SETBP1: variants seen among roughly 807,000 people sequenced by gnomAD.
SETBP1 encodes the protein SET binding protein 1, also known as SET-binding protein.
A neutral mutation model predicts 101.0 loss-of-function variants in SETBP1; 9 were observed. That is an observed-to-expected ratio of 0.09 (90% CI 0.05 to 0.16). The LOEUF (loss-of-function observed/expected upper bound fraction) is 0.16. Ranked by LOEUF, SETBP1 falls within the 10% of genes least tolerant of loss-of-function variation. SETBP1 has a pLI of 1.00. For synonymous variants in SETBP1, 818 were observed against 788.5 expected (o/e 1.04, Z -0.63); for missense variants, 1,858 against 2,033.8 (o/e 0.91, Z 1.66).
At chr18:45,050,898 A>G (rs996917199) in intron 5 of SETBP1, among the ~76,000 whole-genome samples, 7 of 152,202 alleles carry the variant, frequency 4.6e-5, no homozygotes, top group Non-Finnish European at 1.0e-4. Flanking sequence ...ATGCCTGAAG[A>G]TATTTTGAGA....
At chr18:44,833,259 T>A (rs1204171681) in intron 2 of SETBP1, among the ~76,000 whole-genome samples, 1 of 152,228 alleles carries the variant, frequency 6.6e-6, no homozygotes, top group Admixed American at 6.5e-5. Context: ...TGTTCAAGTT[T>A]ACTTTTAGAA....
At chr18:44,976,312 CT>C (rs1472228901) in intron 4 of SETBP1, among the ~76,000 whole-genome samples, 22 of 152,296 alleles carry the variant, frequency 1.4e-4, no homozygotes, top group South Asian at 1.0e-3. Flanking sequence ...AAGGCCAAAG[CT>C]TGGCTCGCAT....
At chr18:44,832,721 G>A (rs1486149136) in intron 2 of SETBP1, among the ~76,000 whole-genome samples, 1 of 152,178 alleles carries the variant, frequency 6.6e-6, no homozygotes, top group African/African-American at 2.4e-5. Context: ...ACAGGGGCCT[G>A]GCTGGGCAGC....
chr18:44,719,429 G>T (rs998995191), intron 2 of SETBP1, among the ~76,000 whole-genome samples: 4 of 152,198 alleles, frequency 2.6e-5, no homozygotes, highest in Admixed American at 2.0e-4. Flanking sequence ...GACTGCCTTT[G>T]AAAGTCTCCA....
intron 5 of SETBP1, among the ~76,000 whole-genome samples, chr18:45,039,075 C>A (rs1568044720): frequency 2.0e-5 from 3 of 152,174 alleles, no homozygotes; most frequent in Admixed American, 6.5e-5. Flanking sequence ...GCCCCAAGAA[C>A]CTGTGGACAG....
intron 5 of SETBP1, among the ~76,000 whole-genome samples, chr18:45,043,013 G>T (rs1396587295): frequency 1.8e-4 from 28 of 152,180 alleles, no homozygotes; most frequent in Admixed American, 1.8e-3. Flanking sequence ...ACTAAAGTTT[G>T]CTCAAAGTGA....
At chr18:44,773,242 G>A (rs2070914225) in intron 2 of SETBP1, among the ~76,000 whole-genome samples, 1 of 152,174 alleles carries the variant, frequency 6.6e-6, no homozygotes, top group South Asian at 2.1e-4. Flanking sequence ...ATCTATTAGT[G>A]GGCATGCACA....
Position 45,065,314 on chromosome 18 carries a change from C to G in SETBP1, c.*1616C>G, listed in dbSNP as rs2073952511. ...CCTCCCTCACTCCCTCTTACCTTCC[C>G]CAAGACATCAAACACCTGGCATGGT... On this transcript the variant is annotated 3_prime_UTR_variant, in exon 6 of 6. Transcript: ENST00000649279. 1 of 152,128 alleles carries G rather than the reference C, an allele frequency of 6.6e-6. No homozygotes were observed. The highest frequency in any genetic ancestry group is 2.4e-5 in the African/African-American group (1 of 41,402). The allele number at this position is 152,128 out of a possible 1,614,324, so 9.4% of individuals were successfully genotyped here. A position where few individuals can be genotyped will look rare whatever the true frequency, so the allele number is the denominator to read the frequency against.
chr18:45,054,476 G>A (rs531328838), intron 5 of SETBP1, among the ~76,000 whole-genome samples: 4 of 152,240 alleles, frequency 2.6e-5, no homozygotes, highest in African/African-American at 4.8e-5. Flanking sequence ...GTGAGCCACC[G>A]TGCCCAGCTG....
chr18:45,019,304 G>T (rs1173586993), intron 4 of SETBP1, among the ~76,000 whole-genome samples: 2 of 152,160 alleles, frequency 1.3e-5, no homozygotes, highest in Non-Finnish European at 2.9e-5. Context: ...ATAATTTCCA[G>T]GTTTGGGGAA....
At chr18:44,773,968 T>C (rs2070938261) in intron 2 of SETBP1, among the ~76,000 whole-genome samples, 1 of 151,938 alleles carries the variant, frequency 6.6e-6, no homozygotes, top group Non-Finnish European at 1.5e-5. Flanking sequence ...ACTTCTAGTT[T>C]CCTACCACAA....
intron 4 of SETBP1, among the ~76,000 whole-genome samples, chr18:44,994,188 TA>T (rs34296983): frequency 8.6e-5 from 13 of 151,532 alleles, no homozygotes; most frequent in Middle Eastern, 3.4e-3. Flanking sequence ...AAAACCTGGG[TA>T]AAAAAAATGA....
chr18:44,702,572 T>C (rs2069135181), intron 2 of SETBP1, among the ~76,000 whole-genome samples: 1 of 152,216 alleles, frequency 6.6e-6, no homozygotes, highest in African/African-American at 2.4e-5. Context: ...AACTTTTTAG[T>C]ATTTTTTTCT....
chr18:44,763,205 G>A (rs2070696283), intron 2 of SETBP1, among the ~76,000 whole-genome samples: 1 of 152,198 alleles, frequency 6.6e-6, no homozygotes, highest in South Asian at 2.1e-4. Flanking sequence ...GGAACAATGA[G>A]TAACTACAGA....
At chr18:44,973,103 T>C (rs1461307900) in intron 4 of SETBP1, among the ~76,000 whole-genome samples, 4 of 152,238 alleles carry the variant, frequency 2.6e-5, no homozygotes, top group African/African-American at 9.6e-5. Context: ...TTGAATTTTG[T>C]CAAAGGCCTT....
chr18:44,905,728 G>A (rs1324829621), intron 3 of SETBP1, among the ~76,000 whole-genome samples: 2 of 152,178 alleles, frequency 1.3e-5, no homozygotes, highest in African/African-American at 4.8e-5. Context: ...CCTCATTACA[G>A]GGCAAACTTT....
rs1193534370 is a variant in SETBP1, at chr18:44,952,552, C to T, written c.3212C>T (p.Ala1071Val). 4.3e-6 allele frequency: 7 copies of T among 1,614,022 alleles called. No homozygotes were observed. Among genetic ancestry groups the T allele is most frequent in the Non-Finnish European group, 5.9e-6 (7 of 1,180,036 alleles). The change falls in exon 4 of 6, where the codon GCT becomes GTT. Residue 1071 changes from alanine to valine, a missense_variant. Physicochemically the swap from Ala to Val is moderately conservative, Grantham distance 64 (BLOSUM62 0). This residue lies in a region of SETBP1 where 255 missense variants were observed against 300.1 expected (regional missense o/e 0.85). Coordinates refer to ENST00000649279, the MANE Select transcript of SETBP1 (RefSeq NM_015559.3). The stretch of plus-strand genomic sequence containing the variant: ...CTTGGTTATTACGGTCAGTACCCAG[C>T]TCCTTTGTACCTATCGCACACGCTT... ...MNLGYYGQYP[A>V]PLYLSHTLGA... is the part of the protein sequence containing the mutation.
At position 44,701,556 on chromosome 18, in the gene SETBP1, T is replaced by G. The variant is rs142975703; in HGVS notation, c.210T>G (p.Asp70Glu). ...AACTAGGCTCAGGGCGGGATGTGGA[T>G]TCCAACTCCAACGCGGACAGTGAGA... is the stretch of plus-strand genomic sequence containing the variant. ...EDELGSGRDV[D>E]SNSNADSEKW... Residue 70 changes from aspartate to glutamate, a missense_variant, in exon 2 of 6, where the codon GAT (aspartate) becomes GAG (glutamate). Transcript: ENST00000649279. 2 of 1,613,938 alleles carry G rather than the reference T, an allele frequency of 1.2e-6. No homozygotes were observed. Among genetic ancestry groups the G allele is most frequent in the Non-Finnish European group, 1.7e-6 (2 of 1,180,006 alleles).
intron 3 of SETBP1, among the ~76,000 whole-genome samples, chr18:44,885,171 A>C (rs1313379761): frequency 2.0e-5 from 3 of 152,164 alleles, no homozygotes; most frequent in Admixed American, 1.3e-4. Flanking sequence ...GACTCTAAGA[A>C]ATTCCCTTTG....
Sources: gnomAD v4.1 joint callset for allele counts (sites outside exome capture counted in the v4.1 genomes callset) on GRCh38, gnomAD v4.1.1 for gene constraint, gnomAD v4.1.1 regional missense constraint, MANE v1.5 for transcripts, NCBI Gene and HGNC (gene_info 2026-07-23, HGNC 2026-07-21) for gene names.